The following BLTP1 variants were observed in gnomAD, a reference collection of about 807,000 sequenced individuals.
The protein encoded by BLTP1 is fragile site-associated protein.
the BLTP1 span, chr4:122,258,499 A>G: frequency 4.7e-6 from 1 of 210,684 alleles, no homozygotes; most frequent in Non-Finnish European, 8.2e-6. Flanking sequence ...TATCATTTGC[A>G]TGGAATATGT....
the BLTP1 span, among the ~76,000 whole-genome samples, chr4:122,284,392 A>G: frequency 6.6e-6 from 1 of 152,166 alleles, no homozygotes; most frequent in Non-Finnish European, 1.5e-5. Context: ...TTCTGCTATC[A>G]GGTTAAGAAA....
At chr4:122,213,863 A>G in the BLTP1 span, among the ~76,000 whole-genome samples, 3 of 152,294 alleles carry the variant, frequency 2.0e-5, no homozygotes, top group Admixed American at 1.3e-4. Flanking sequence ...AGGTTGGATA[A>G]CAATGCTACT....
At chr4:122,183,058 G>T in the BLTP1 span, 2 of 980,460 alleles carry the variant, frequency 2.0e-6, no homozygotes, top group Non-Finnish European at 2.4e-6. Flanking sequence ...AAGCTGGGTT[G>T]GTTGCAGTAG....
the BLTP1 span, among the ~76,000 whole-genome samples, chr4:122,355,320 C>T: frequency 6.6e-6 from 1 of 151,998 alleles, no homozygotes; most frequent in African/African-American, 2.4e-5. Flanking sequence ...GTACTTCTAC[C>T]TGATTTCAAG....
chr4:122,349,391 T>G, the BLTP1 span: 1 of 1,557,430 alleles, frequency 6.4e-7, no homozygotes, highest in South Asian at 1.2e-5. This position sits in a 1 kb window ranked among gnomAD's most constrained non-coding sequence, Gnocchi z 4.5. Context: ...TGGAGATGGA[T>G]TCTCATGAGT....
chr4:122,332,629 C>CTTTTTTTTTTT, the BLTP1 span, among the ~76,000 whole-genome samples: 1 of 142,552 alleles, frequency 7.0e-6, no homozygotes. Context: ...TAAAAGTTTG[C>CTTTTTTTTTTT]TTTTTTTTTT....
chr4:122,210,561 C>G, the BLTP1 span, among the ~76,000 whole-genome samples: 2 of 151,932 alleles, frequency 1.3e-5, no homozygotes, highest in African/African-American at 4.8e-5. Flanking sequence ...AGTTAGTGCC[C>G]AAGAATAGTT....
chr4:122,339,360 G>A, the BLTP1 span: 7 of 1,613,412 alleles, frequency 4.3e-6, no homozygotes, highest in Non-Finnish European at 5.9e-6. Context: ...TGGAGGTAAT[G>A]CTACTCAGAG....
chr4:122,254,881 T>A, the BLTP1 span: 1 of 1,613,954 alleles, frequency 6.2e-7, no homozygotes, highest in South Asian at 1.1e-5. Context: ...CAAGTCATCT[T>A]TAAACAAATT....
At chr4:122,211,351 T>G in the BLTP1 span, among the ~76,000 whole-genome samples, 1 of 152,126 alleles carries the variant, frequency 6.6e-6, no homozygotes, top group African/African-American at 2.4e-5. Context: ...ATAGAGATGA[T>G]GTAGCATCTG....
chr4:122,281,524 T>C, the BLTP1 span: 1 of 1,559,144 alleles, frequency 6.4e-7, no homozygotes, highest in South Asian at 1.2e-5. Flanking sequence ...TTATTTTTTT[T>C]TTGCTTTCTA....
the BLTP1 span, among the ~76,000 whole-genome samples, chr4:122,206,376 CA>C: frequency 6.6e-6 from 1 of 151,756 alleles, no homozygotes; most frequent in African/African-American, 2.4e-5. Context: ...AAATAGAATG[CA>C]GAAGAAAGTT....
the BLTP1 span, chr4:122,192,319 T>C: frequency 6.2e-7 from 1 of 1,613,730 alleles, no homozygotes; most frequent in South Asian, 1.1e-5. Flanking sequence ...TGTTGGGGAC[T>C]GGATATAGTT....
the BLTP1 span, chr4:122,182,646 G>T: frequency 1.0e-6 from 1 of 985,338 alleles, no homozygotes; most frequent in Middle Eastern, 5.2e-4. Flanking sequence ...TGACAAATGG[G>T]CAGAACTTTA....
chr4:122,263,569 T>G, the BLTP1 span: 2 of 1,611,902 alleles, frequency 1.2e-6, no homozygotes, highest in Non-Finnish European at 1.7e-6. Context: ...AATCTCCTGT[T>G]ACAAAATCAG....
chr4:122,300,255 C>T, the BLTP1 span, among the ~76,000 whole-genome samples: 2 of 152,114 alleles, frequency 1.3e-5, no homozygotes, highest in South Asian at 2.1e-4. Flanking sequence ...GGTCATCCAC[C>T]CATCTTAGCC....
the BLTP1 span, chr4:122,219,063 A>T: frequency 7.6e-6 from 6 of 790,110 alleles, no homozygotes; most frequent in Non-Finnish European, 9.2e-6. Context: ...GAGGACCTAA[A>T]TTACAAGGTT....
At chr4:122,274,487 G>A in the BLTP1 span, 1 of 1,562,906 alleles carries the variant, frequency 6.4e-7, no homozygotes, top group Non-Finnish European at 8.6e-7. Context: ...AGACAAAAAT[G>A]GAAATTCTTT....
chr4:122,208,434 C>T, the BLTP1 span: 3 of 983,862 alleles, frequency 3.0e-6, no homozygotes, highest in Non-Finnish European at 3.6e-6. Flanking sequence ...AAAAGTAAAG[C>T]CAAATGAAGA....
Sources: gnomAD v4.1 joint callset for allele counts (sites outside exome capture counted in the v4.1 genomes callset) on GRCh38, gnomAD v4.1.1 for gene constraint, Gnocchi (gnomAD v3.1) non-coding constraint, MANE v1.5 for transcripts, NCBI Gene and HGNC (gene_info 2026-07-23, HGNC 2026-07-21) for gene names.